EIF4G3: variants seen among roughly 807,000 people sequenced by gnomAD.
EIF4G3 encodes the protein eukaryotic translation initiation factor 4 gamma 3.
A neutral mutation model predicts 186.4 loss-of-function variants in EIF4G3; 34 were observed. That is an observed-to-expected ratio of 0.18 (90% CI 0.14 to 0.24). The LOEUF (loss-of-function observed/expected upper bound fraction) is 0.24, where lower values mean the gene tolerates loss of function less well. EIF4G3 is among the 10% of genes least tolerant of loss of function. EIF4G3 has a pLI of 1.00. For synonymous variants in EIF4G3, 673 were observed against 679.5 expected, an observed-to-expected ratio of 0.99 and a Z score of 0.15; for missense variants, 1,536 against 1,948.5, an observed-to-expected ratio of 0.79 and a Z score of 3.99.
chr1:21,105,141 G>A, intron 2 of EIF4G3, among the ~76,000 whole-genome samples: 1 of 152,216 alleles, frequency 6.6e-6, no homozygotes, highest in South Asian at 2.1e-4. Context: ...AATCTGTACA[G>A]GTCAGGTGCG....
At chr1:21,109,065 A>G (rs546967912) in intron 2 of EIF4G3, among the ~76,000 whole-genome samples, 59 of 152,252 alleles carry the variant, frequency 3.9e-4, no homozygotes, top group African/African-American at 1.4e-3. Flanking sequence ...TAAAAATACA[A>G]AAATTAGCTG....
intron 25 of EIF4G3, 86 bp from the exon 26 acceptor site, chr1:20,855,157 AGAACC>A: frequency 9.4e-7 from 1 of 1,067,780 alleles, no homozygotes; most frequent in East Asian, 2.7e-5. Context: ...TCAGTGAAGT[AGAACC>A]AATTTTAGCA....
At chr1:21,135,952 G>C (rs2097234287) in intron 2 of EIF4G3, among the ~76,000 whole-genome samples, 1 of 152,208 alleles carries the variant, frequency 6.6e-6, no homozygotes, top group Admixed American at 6.5e-5. Flanking sequence ...GGGAGGCCGA[G>C]GCGGGTGGAT....
intron 2 of EIF4G3, among the ~76,000 whole-genome samples, chr1:21,151,236 C>CCTTTT (rs2097543666): frequency 1.2e-5 from 1 of 80,410 alleles, no homozygotes; most frequent in African/African-American, 4.8e-5. Context: ...GTATTTCTTT[C>CCTTTT]TTTTTTTTTT....
intron 2 of EIF4G3, among the ~76,000 whole-genome samples, chr1:21,153,558 T>G (rs762582569): frequency 1.4e-4 from 22 of 152,090 alleles, no homozygotes; most frequent in Admixed American, 9.2e-4. Context: ...TGCAGCTTTT[T>G]TTTGTTTGTT....
At chr1:21,031,274 C>T (rs534447685) in intron 4 of EIF4G3, among the ~76,000 whole-genome samples, 1 of 149,762 alleles carries the variant, frequency 6.7e-6, no homozygotes, top group South Asian at 2.1e-4. Context: ...ATGAATGTCA[C>T]AAGTCATCTT....
chr1:21,136,608 C>A (rs2097251792), intron 2 of EIF4G3, among the ~76,000 whole-genome samples: 1 of 152,056 alleles, frequency 6.6e-6, no homozygotes, highest in Non-Finnish European at 1.5e-5. Flanking sequence ...AATAAAATCA[C>A]AATACAGTGC....
At chr1:21,052,102 C>T (rs1325475341) in intron 3 of EIF4G3, among the ~76,000 whole-genome samples, 1 of 152,100 alleles carries the variant, frequency 6.6e-6, no homozygotes, top group Non-Finnish European at 1.5e-5. Context: ...ACAATAATCA[C>T]AAATTTATAC....
intron 17 of EIF4G3, among the ~76,000 whole-genome samples, chr1:20,894,478 A>G (rs1358324105): frequency 6.6e-6 from 1 of 152,236 alleles, no homozygotes; most frequent in Non-Finnish European, 1.5e-5. Context: ...GTAAAATAGT[A>G]TAAATGAGTT....
At chr1:21,051,693 T>C (rs141701984) in intron 3 of EIF4G3, among the ~76,000 whole-genome samples, 161 of 151,896 alleles carry the variant, frequency 1.1e-3, no homozygotes, top group African/African-American at 3.8e-3. Flanking sequence ...CTGTATTTTA[T>C]AAAAAAAAAT....
chr1:21,152,353 GC>G (rs2097565970), intron 2 of EIF4G3, among the ~76,000 whole-genome samples: 1 of 39,630 alleles, frequency 2.5e-5, no homozygotes, highest in Non-Finnish European at 5.9e-5. Context: ...AAAAAAAAAA[GC>G]AAATAAAATT....
At chr1:21,101,576 C>CAA (rs1557966778) in intron 2 of EIF4G3, among the ~76,000 whole-genome samples, 1 of 30,486 alleles carries the variant, frequency 3.3e-5, no homozygotes, top group African/African-American at 1.4e-4. Flanking sequence ...AAAAAAAAAA[C>CAA]AACAAAAAAA....
chr1:20,820,391 T>C (rs2062042030), intron 33 of EIF4G3, among the ~76,000 whole-genome samples: 3 of 152,132 alleles, frequency 2.0e-5, no homozygotes, highest in African/African-American at 7.2e-5. Flanking sequence ...CCCTCGGGTG[T>C]CCCAGGAAAG....
chr1:21,081,188 T>C (rs2100806791), intron 3 of EIF4G3, among the ~76,000 whole-genome samples: 1 of 152,308 alleles, frequency 6.6e-6, no homozygotes, highest in Non-Finnish European at 1.5e-5. Flanking sequence ...ATCCCAGCAC[T>C]TTGGGAGGCC....
At chr1:21,146,271 G>A (rs958237720) in intron 2 of EIF4G3, among the ~76,000 whole-genome samples, 9 of 152,004 alleles carry the variant, frequency 5.9e-5, no homozygotes, top group Non-Finnish European at 1.3e-4. Flanking sequence ...CAGGAAAATC[G>A]CTTGAGCCCA....
intron 9 of EIF4G3, 139 bp downstream of exon 9, chr1:20,980,909 G>T: frequency 5.0e-6 from 3 of 596,178 alleles, no homozygotes; most frequent in East Asian, 6.1e-5. Context: ...TCACAAAAGG[G>T]CTAGATTTGT....
At chr1:21,032,292 C>T (rs533788477) in intron 4 of EIF4G3, among the ~76,000 whole-genome samples, 2 of 152,268 alleles carry the variant, frequency 1.3e-5, no homozygotes, top group East Asian at 3.9e-4. Flanking sequence ...TATTAGTTAT[C>T]TTTGGCAGAA....
intron 4 of EIF4G3, among the ~76,000 whole-genome samples, chr1:21,033,629 T>G (rs1048185376): frequency 6.6e-6 from 1 of 152,234 alleles, no homozygotes; most frequent in Non-Finnish European, 1.5e-5. Context: ...GTGATAGAAC[T>G]GTGATTCACA....
rs144010924 is a variant in EIF4G3, at chr1:21,103,862, T to C, written c.-271-14649A>G. On this transcript the variant is annotated intron_variant, in intron 2 of 36. Coordinates refer to ENST00000602326, the MANE Select transcript of EIF4G3 (RefSeq NM_001391906.1). ...CTGTCTCAGAACAAAAAAAAACATCTCTCCCTTTTTAAGTGACCAAAATTC... is the reference window on the plus strand; with the variant it reads ...CTGTCTCAGAACAAAAAAAAACATCCCTCCCTTTTTAAGTGACCAAAATTC... Among the ~76,000 whole-genome samples the C allele has an allele frequency of 3.8e-3, 581 of 151,976 alleles. 4 individuals are homozygous for C. Among genetic ancestry groups the C allele is most frequent in the African/African-American group, 0.013 (558 of 41,460 alleles).
Sources: gnomAD v4.1 joint callset for allele counts (sites outside exome capture counted in the v4.1 genomes callset) on GRCh38, gnomAD v4.1.1 for gene constraint, MANE v1.5 for transcripts, NCBI Gene and HGNC (gene_info 2026-07-23, HGNC 2026-07-21) for gene names.